LIPC: variants seen among roughly 807,000 people sequenced by gnomAD.
LIPC encodes hepatic triacylglycerol lipase.
Under a neutral mutation model 50.7 loss-of-function variants are expected in LIPC, and 44 were observed. The ratio of observed to expected loss-of-function variants is 0.87; its 90% CI spans 0.68 to 1.11. LIPC has a LOEUF of 1.11. LIPC is among the 50% of genes most tolerant of loss of function. LIPC has a pLI of 0.00. For missense variants in LIPC, 697 were observed against 648.2 expected (o/e 1.08, Z -0.82); for synonymous variants, 271 against 256.4 (o/e 1.06, Z -0.54).
chr15:58,557,379 C>CTTTTTTTTTTTTTTTT (rs386383140), intron 6 of LIPC, among the ~76,000 whole-genome samples: 3 of 75,692 alleles, frequency 4.0e-5, no homozygotes, highest in South Asian at 5.3e-4. Flanking sequence ...ATTATATGCT[C>CTTTTTTTTTTTTTTTT]TTTTTTTTTT....
At chr15:58,506,709 T>G (rs1254940876) in intron 1 of LIPC, among the ~76,000 whole-genome samples, 1 of 152,226 alleles carries the variant, frequency 6.6e-6, no homozygotes, top group African/African-American at 2.4e-5. Flanking sequence ...AAGCTGGCTG[T>G]GTTCCCAACT....
chr15:58,541,940 G>A lies in LIPC; in HGVS notation c.429G>A (p.Glu143=). 1.2e-6 allele frequency: 2 copies of A among 1,611,180 alleles called. No homozygotes were observed. The highest frequency in any genetic ancestry group is 1.7e-4 in the Middle Eastern group (1 of 6,058). The part of the protein sequence containing the change: ...AVRNTRLVGK[E]VAALLRWLEE... ...GCAACACCCGCCTTGTGGGCAAGGAGGTCGCGGCTCTTCTCCGGTGGCTGG... is the reference window on the plus strand; with the variant it reads ...GCAACACCCGCCTTGTGGGCAAGGAAGTCGCGGCTCTTCTCCGGTGGCTGG... Residue 143 remains glutamate (E), a synonymous_variant, in exon 3 of 9, where the codon GAG becomes GAA. Coordinates refer to ENST00000299022, the MANE Select transcript of LIPC (RefSeq NM_000236.3).
At chr15:58,548,175 C>T (rs1452439625) in intron 5 of LIPC, among the ~76,000 whole-genome samples, 155 bp from the exon 6 acceptor site, 1 of 152,032 alleles carries the variant, frequency 6.6e-6, no homozygotes, top group African/African-American at 2.4e-5. Flanking sequence ...GTTGTCACAT[C>T]CTGCTCTTGT....
At chr15:58,532,958 T>C (rs1227326017) in intron 1 of LIPC, among the ~76,000 whole-genome samples, 1 of 152,236 alleles carries the variant, frequency 6.6e-6, no homozygotes, top group Non-Finnish European at 1.5e-5. Context: ...TAACTAATTT[T>C]AAGGATTGTT....
At chr15:58,494,255 C>T (rs1193750297) in intron 1 of LIPC, among the ~76,000 whole-genome samples, 4 of 152,238 alleles carry the variant, frequency 2.6e-5, no homozygotes, top group East Asian at 1.9e-4. Context: ...ATACCCATCA[C>T]TTCTGCTCTG....
At chr15:58,540,824 G>A (rs544543231) in intron 2 of LIPC, among the ~76,000 whole-genome samples, 7 of 152,100 alleles carry the variant, frequency 4.6e-5, no homozygotes, top group East Asian at 1.9e-4. Flanking sequence ...GTTTTGTTGC[G>A]ATAGGGTCTC....
intron 1 of LIPC, among the ~76,000 whole-genome samples, chr15:58,495,164 T>C (rs1891723775): frequency 6.6e-6 from 1 of 152,166 alleles, no homozygotes; most frequent in South Asian, 2.1e-4. Flanking sequence ...CATCAAGACC[T>C]GGGGTGCTGA....
At chr15:58,514,155 A>G (rs759994806) in intron 1 of LIPC, among the ~76,000 whole-genome samples, 1 of 152,224 alleles carries the variant, frequency 6.6e-6, no homozygotes, top group Non-Finnish European at 1.5e-5. Flanking sequence ...AGGAGCCAGA[A>G]CACCTGTTTG....
intron 1 of LIPC, among the ~76,000 whole-genome samples, chr15:58,479,696 G>T (rs1287191395): frequency 1.3e-5 from 2 of 152,216 alleles, no homozygotes; most frequent in Admixed American, 1.3e-4. Flanking sequence ...TGTTACAAGG[G>T]TATGTGGCTT....
intron 1 of LIPC, among the ~76,000 whole-genome samples, chr15:58,485,073 G>A (rs965378410): frequency 1.3e-5 from 2 of 152,304 alleles, no homozygotes; most frequent in East Asian, 1.9e-4. Flanking sequence ...TCCGTAGTTG[G>A]GTTCCGCAAG....
At chr15:58,488,143 C>T (rs1343790077) in intron 1 of LIPC, among the ~76,000 whole-genome samples, 2 of 152,230 alleles carry the variant, frequency 1.3e-5, no homozygotes, top group Non-Finnish European at 2.9e-5. Context: ...TGGTAGCAAA[C>T]ACCTGTAATC....
chr15:58,539,521 G>A (rs1893252147), intron 2 of LIPC, among the ~76,000 whole-genome samples: 1 of 152,152 alleles, frequency 6.6e-6, no homozygotes, highest in South Asian at 2.1e-4. Context: ...CCTCCCCAGT[G>A]TCTAGCCCAC....
At chr15:58,562,426 C>T (rs1467872930) in intron 7 of LIPC, among the ~76,000 whole-genome samples, 2 of 152,182 alleles carry the variant, frequency 1.3e-5, no homozygotes, top group African/African-American at 4.8e-5. Context: ...TGACTTGGCA[C>T]AGATTTCCAA....
At chr15:58,559,475 G>A (rs1229774959) in intron 6 of LIPC, among the ~76,000 whole-genome samples, 1 of 152,172 alleles carries the variant, frequency 6.6e-6, no homozygotes, top group Non-Finnish European at 1.5e-5. Context: ...CACTCATCTT[G>A]CCCCAAGCCC....
chr15:58,522,542 CCT>C (rs1892688469), intron 1 of LIPC: 1 of 152,912 alleles, frequency 6.5e-6, no homozygotes, highest in African/African-American at 2.4e-5. Context: ...GGCTGCTGCC[CCT>C]GTTCCATCCT....
intron 1 of LIPC, among the ~76,000 whole-genome samples, chr15:58,442,104 G>T (rs1388537729): frequency 2.0e-5 from 3 of 152,130 alleles, no homozygotes; most frequent in African/African-American, 7.2e-5. Flanking sequence ...CACAGCTTTG[G>T]GTGATGCCCT....
intron 1 of LIPC, among the ~76,000 whole-genome samples, chr15:58,460,853 G>T (rs1229487536): frequency 6.6e-6 from 1 of 152,180 alleles, no homozygotes; most frequent in Non-Finnish European, 1.5e-5. Flanking sequence ...TAGTCCCATG[G>T]CCTCTTTAGC....
chr15:58,448,675 A>G (rs488346), intron 1 of LIPC, among the ~76,000 whole-genome samples: 20,055 of 152,268 alleles, frequency 0.13, 1,406 homozygotes, highest in Middle Eastern at 0.21. Context: ...GATTCCAGGT[A>G]ACGCCCAGCA....
At chr15:58,555,108 G>A (rs1197119598) in intron 6 of LIPC, among the ~76,000 whole-genome samples, 1 of 152,198 alleles carries the variant, frequency 6.6e-6, no homozygotes, top group African/African-American at 2.4e-5. Flanking sequence ...AGCTAAAGGG[G>A]CCTTTGCATC....
Sources: allele counts gnomAD v4.1 joint callset (sites outside exome capture counted in the v4.1 genomes callset), GRCh38; gene constraint gnomAD v4.1.1; transcripts MANE v1.5; gene names NCBI Gene and HGNC (gene_info 2026-07-23, HGNC 2026-07-21).